Variants in ZNRF3 observed in about 807,000 individuals in gnomAD.
The protein encoded by ZNRF3 is zinc and ring finger 3.
A neutral mutation model predicts 72.5 loss-of-function variants in ZNRF3; 23 were observed. The observed-to-expected ratio is 0.32, with a 90% CI of 0.23 to 0.45. ZNRF3 has a LOEUF of 0.45. ZNRF3 is among the 20% of genes least tolerant of loss of function. The probability of loss-of-function intolerance (pLI) is 1.00; values close to 1 mark genes in which losing one functional copy is unlikely to be tolerated. For missense variants in ZNRF3, 1,169 were observed against 1,272.1 expected (o/e 0.92, Z 1.23); for synonymous variants, 610 against 545.3 (o/e 1.12, Z -1.65).
intron 2 of ZNRF3, chr22:28,993,055 G>C (rs996381402): frequency 6.6e-6 from 1 of 152,262 alleles, no homozygotes; most frequent in African/African-American, 2.4e-5. Context: ...GCTCTCAAGT[G>C]AAAGAGTTTG....
intron 1 of ZNRF3, among the ~76,000 whole-genome samples, chr22:28,937,238 T>A (rs6005945): frequency 7.8e-6 from 1 of 128,210 alleles, no homozygotes; most frequent in Non-Finnish European, 1.6e-5. Flanking sequence ...TTTTTTTTTT[T>A]AACAAAAGGA....
chr22:28,937,174 AAT>A (rs61520434), intron 1 of ZNRF3, among the ~76,000 whole-genome samples: 69 of 78,734 alleles, frequency 8.8e-4, no homozygotes, highest in African/African-American at 2.1e-3. Context: ...TCTCTCTTAT[AAT>A]ATATATATAT....
chr22:28,913,682 C>T (rs1287954446), intron 1 of ZNRF3, among the ~76,000 whole-genome samples: 1 of 152,154 alleles, frequency 6.6e-6, no homozygotes, highest in Non-Finnish European at 1.5e-5. Flanking sequence ...AACCAAGAAA[C>T]AGTGCTTCTC....
At chr22:28,910,156 C>T (rs999223429) in intron 1 of ZNRF3, among the ~76,000 whole-genome samples, 1 of 152,084 alleles carries the variant, frequency 6.6e-6, no homozygotes, top group Non-Finnish European at 1.5e-5. Flanking sequence ...CTGCCTCAGC[C>T]TCCTGAGTAG....
At chr22:29,005,525 A>G (rs1278811481) in intron 2 of ZNRF3, among the ~76,000 whole-genome samples, 1 of 152,174 alleles carries the variant, frequency 6.6e-6, no homozygotes, top group African/African-American at 2.4e-5. Context: ...AAGAAGACCC[A>G]TGTCTTTTGG....
At chr22:29,004,076 G>A (rs939087116) in intron 2 of ZNRF3, among the ~76,000 whole-genome samples, 4 of 152,238 alleles carry the variant, frequency 2.6e-5, no homozygotes, top group African/African-American at 9.6e-5. Context: ...CGAATTACAG[G>A]CTTGTCCAAA....
At chr22:28,955,474 C>T (rs542985095) in intron 1 of ZNRF3, among the ~76,000 whole-genome samples, 2 of 152,278 alleles carry the variant, frequency 1.3e-5, no homozygotes, top group African/African-American at 4.8e-5. Flanking sequence ...CACCTTGCAG[C>T]CTCTGTGGAT....
intron 1 of ZNRF3, 77 bp from the exon 2 acceptor site, chr22:28,986,999 A>G (rs1601632006): frequency 4.6e-6 from 7 of 1,519,582 alleles, no homozygotes; most frequent in South Asian, 1.3e-5. Context: ...TGGCTATAGC[A>G]TCTGAGAAAT....
intron 2 of ZNRF3, among the ~76,000 whole-genome samples, chr22:29,033,266 G>A (rs559036607): frequency 3.8e-4 from 57 of 149,122 alleles, no homozygotes; most frequent in Middle Eastern, 6.9e-3. Flanking sequence ...CAGGATAATC[G>A]CTTGAACCCA....
intron 1 of ZNRF3, among the ~76,000 whole-genome samples, chr22:28,918,491 CGT>C (rs1484677155): frequency 3.4e-5 from 5 of 148,926 alleles, no homozygotes; most frequent in African/African-American, 1.2e-4. Context: ...TGGGTGCGTG[CGT>C]GTGTGTGTAT....
chr22:28,964,966 C>T (rs1272051355), intron 1 of ZNRF3, among the ~76,000 whole-genome samples: 1 of 152,160 alleles, frequency 6.6e-6, no homozygotes, highest in Non-Finnish European at 1.5e-5. Context: ...AGGTCTTGGC[C>T]TTGCCTTGTC....
rs138112473 is a variant in ZNRF3, at chr22:28,923,486, G to A, written c.300+39420G>A. On this transcript the variant is annotated intron_variant, in intron 1 of 8. Coordinates refer to ENST00000544604, the MANE Select transcript of ZNRF3 (RefSeq NM_001206998.2). Reference sequence around the variant, plus strand: ...AAGCAAGGAATAAACTTTAAAAATAGCAAAGGGTCAGAAGTTCCTTTTTTT... The same window carrying A: ...AAGCAAGGAATAAACTTTAAAAATAACAAAGGGTCAGAAGTTCCTTTTTTT... Among the ~76,000 whole-genome samples the A allele has an allele frequency of 6.9e-3, 1,049 of 152,028 alleles. 8 individuals carry two copies. The highest frequency in any genetic ancestry group is 9.1e-3 in the Non-Finnish European group (620 of 67,958).
intron 2 of ZNRF3, among the ~76,000 whole-genome samples, chr22:29,003,721 T>C (rs2036193591): frequency 6.6e-6 from 1 of 151,860 alleles, no homozygotes; most frequent in Admixed American, 6.6e-5. Flanking sequence ...ATGCCTGTGG[T>C]CCCAGCTACT....
At chr22:29,029,304 C>T (rs2036702955) in intron 2 of ZNRF3, among the ~76,000 whole-genome samples, 1 of 152,178 alleles carries the variant, frequency 6.6e-6, no homozygotes. Context: ...ATGTTAGAAG[C>T]AAGCAAAAAT....
At chr22:28,972,495 G>C (rs1235714409) in intron 1 of ZNRF3, among the ~76,000 whole-genome samples, 1 of 152,202 alleles carries the variant, frequency 6.6e-6, no homozygotes, top group African/African-American at 2.4e-5. Flanking sequence ...AACCACACTT[G>C]ATGTTTCCAT....
At chr22:29,051,798 C>T (rs1407351225) in intron 8 of ZNRF3, among the ~76,000 whole-genome samples, 2 of 147,792 alleles carry the variant, frequency 1.4e-5, no homozygotes, top group East Asian at 2.1e-4. Flanking sequence ...CTAGCTACTC[C>T]GGAGGCTGAG....
chr22:29,043,264 G>C (rs374581699), intron 3 of ZNRF3, 35 bp from the exon 4 acceptor site: 4 of 1,604,246 alleles, frequency 2.5e-6, no homozygotes, highest in Non-Finnish European at 2.6e-6. Flanking sequence ...TAAAGTAAGC[G>C]CACCTTTTAA....
chr22:28,889,320 G>C (rs2033845997), intron 1 of ZNRF3, among the ~76,000 whole-genome samples: 1 of 152,170 alleles, frequency 6.6e-6, no homozygotes, highest in South Asian at 2.1e-4. Context: ...TCTATGGGCA[G>C]TTACAACTTT....
chr22:28,984,498 T>A (rs1188335165), intron 1 of ZNRF3, among the ~76,000 whole-genome samples: 1 of 152,208 alleles, frequency 6.6e-6, no homozygotes, highest in Non-Finnish European at 1.5e-5. Context: ...CCAAAGCAAC[T>A]CTTTATCATT....
Sources: allele counts gnomAD v4.1 joint callset (sites outside exome capture counted in the v4.1 genomes callset), GRCh38; gene constraint gnomAD v4.1.1; transcripts MANE v1.5; gene names NCBI Gene and HGNC (gene_info 2026-07-23, HGNC 2026-07-21).